YPEL2: variants seen among roughly 807,000 people sequenced by gnomAD.
YPEL2 encodes the protein yippee like 2.
YPEL2 carries 2 observed loss-of-function variants against 19.1 expected under a neutral mutation model. The observed-to-expected ratio is 0.10, with a 90% confidence interval of 0.04 to 0.33. The LOEUF (loss-of-function observed/expected upper bound fraction) is 0.33. YPEL2 is among the 10% of genes least tolerant of loss of function. The pLI is 1.00. For missense variants in YPEL2, 66 were observed against 140.7 expected (o/e 0.47, Z 2.68); for synonymous variants, 52 against 50.0 (o/e 1.04, Z -0.17).
intron 1 of YPEL2, among the ~76,000 whole-genome samples, chr17:59,333,312 G>A (rs970568321): frequency 6.6e-6 from 1 of 152,254 alleles, no homozygotes; most frequent in African/African-American, 2.4e-5. Context: ...CAGGAGTGCA[G>A]TGGGAGCCTC....
At chr17:59,352,523 G>A (rs953588275) in intron 1 of YPEL2, among the ~76,000 whole-genome samples, 4 of 152,142 alleles carry the variant, frequency 2.6e-5, no homozygotes, top group African/African-American at 9.7e-5. Context: ...TTAGATGCAG[G>A]ATTCTGATTA....
At chr17:59,334,332 T>A (rs868064682) in intron 1 of YPEL2, among the ~76,000 whole-genome samples, 9 of 148,528 alleles carry the variant, frequency 6.1e-5, no homozygotes, top group Middle Eastern at 6.9e-3. Flanking sequence ...TTGTTTAGTA[T>A]CCGTGTATTC....
chr17:59,396,315 A>G (rs1316535801), intron 4 of YPEL2, among the ~76,000 whole-genome samples: 1 of 152,270 alleles, frequency 6.6e-6, no homozygotes, highest in Non-Finnish European at 1.5e-5. Flanking sequence ...TGAGCTAAAC[A>G]TGAAAGTCTC....
intron 4 of YPEL2, among the ~76,000 whole-genome samples, chr17:59,395,234 G>C (rs978971927): frequency 7.9e-5 from 7 of 88,100 alleles, no homozygotes; most frequent in African/African-American, 5.8e-4. Flanking sequence ...TGTGTGCACA[G>C]AGACGGAATA....
intron 2 of YPEL2, among the ~76,000 whole-genome samples, chr17:59,381,359 T>C (rs1241908784): frequency 2.0e-5 from 3 of 152,180 alleles, no homozygotes; most frequent in Non-Finnish European, 4.4e-5. Flanking sequence ...TAGCTGATGG[T>C]TGATCTTCCT....
intron 4 of YPEL2, among the ~76,000 whole-genome samples, chr17:59,390,728 A>G (rs1325737387): frequency 6.6e-6 from 1 of 152,164 alleles, no homozygotes; most frequent in African/African-American, 2.4e-5. Context: ...GCTGGGGACT[A>G]ATTGTCCTAA....
intron 1 of YPEL2, among the ~76,000 whole-genome samples, chr17:59,352,365 T>C (rs1463267668): frequency 6.6e-6 from 1 of 152,072 alleles, no homozygotes; most frequent in African/African-American, 2.4e-5. Flanking sequence ...CTTAGTTACC[T>C]TGGGAGCCAC....
At chr17:59,393,562 G>C (rs2048019671) in intron 4 of YPEL2, among the ~76,000 whole-genome samples, 1 of 146,114 alleles carries the variant, frequency 6.8e-6, no homozygotes, top group Non-Finnish European at 1.5e-5. Context: ...TTCTCGCAGA[G>C]GGGGATTTGG....
At chr17:59,350,859 A>C (rs1023904203) in intron 1 of YPEL2, among the ~76,000 whole-genome samples, 1 of 152,114 alleles carries the variant, frequency 6.6e-6, no homozygotes, top group African/African-American at 2.4e-5. Context: ...AGCCAGGGTC[A>C]TTGTTTCTTT....
At chr17:59,377,108 G>A (rs976628652) in intron 2 of YPEL2, among the ~76,000 whole-genome samples, 11 of 152,030 alleles carry the variant, frequency 7.2e-5, no homozygotes, top group Admixed American at 1.3e-4. Flanking sequence ...TTTGGGAGTC[G>A]GTAGGTTTTG....
intron 1 of YPEL2, among the ~76,000 whole-genome samples, chr17:59,337,412 A>G (rs935523309): frequency 1.3e-4 from 19 of 151,756 alleles, no homozygotes; most frequent in Non-Finnish European, 2.4e-4. Flanking sequence ...GATGGTCTCG[A>G]TCTCCTGACC....
intron 1 of YPEL2, among the ~76,000 whole-genome samples, chr17:59,344,019 A>G (rs188069126): frequency 6.6e-6 from 1 of 152,058 alleles, no homozygotes; most frequent in East Asian, 1.9e-4. Context: ...TAGAAGGGAG[A>G]GCATAAAGGG....
At chr17:59,387,513 A>G (rs2047986784) in intron 2 of YPEL2, among the ~76,000 whole-genome samples, 2 of 152,068 alleles carry the variant, frequency 1.3e-5, no homozygotes, top group African/African-American at 2.4e-5. Context: ...AGTGCAGAAC[A>G]TGGCTGGCTC....
At chr17:59,389,604 ACT>A in intron 4 of YPEL2, 136 bp downstream of exon 4, 1 of 658,874 alleles carries the variant, frequency 1.5e-6, no homozygotes, top group Non-Finnish European at 2.7e-6. Flanking sequence ...TGTCTACCAC[ACT>A]CATTCTTTCC....
chr17:59,377,798 G>A (rs1011612108), intron 2 of YPEL2, among the ~76,000 whole-genome samples: 1 of 152,146 alleles, frequency 6.6e-6, no homozygotes, highest in Non-Finnish European at 1.5e-5. Flanking sequence ...GAAGAATCTG[G>A]GGTGCTCAGG....
At chr17:59,369,944 A>C (rs1016961742) in intron 2 of YPEL2, among the ~76,000 whole-genome samples, 2 of 152,250 alleles carry the variant, frequency 1.3e-5, no homozygotes, top group African/African-American at 4.8e-5. Context: ...GCCTCAGACT[A>C]ATCCAAAGAG....
At chr17:59,381,864 G>A (rs2047951005) in intron 2 of YPEL2, among the ~76,000 whole-genome samples, 1 of 152,286 alleles carries the variant, frequency 6.6e-6, no homozygotes, top group Admixed American at 6.5e-5. Flanking sequence ...AGTCTGTTTG[G>A]CATCTCCTGG....
intron 1 of YPEL2, among the ~76,000 whole-genome samples, chr17:59,333,783 A>G (rs545225406): frequency 6.6e-6 from 1 of 152,292 alleles, no homozygotes; most frequent in Admixed American, 6.5e-5. Context: ...ATAGTTTGTC[A>G]GGCTACTCCG....
intron 2 of YPEL2, among the ~76,000 whole-genome samples, chr17:59,380,710 C>T (rs2047944958): frequency 6.6e-6 from 1 of 152,198 alleles, no homozygotes; most frequent in South Asian, 2.1e-4. Flanking sequence ...ACAACAAGGA[C>T]TCATACCCTG....
Sources: gnomAD v4.1 joint callset for allele counts (sites outside exome capture counted in the v4.1 genomes callset) on GRCh38, gnomAD v4.1.1 for gene constraint, MANE v1.5 for transcripts, NCBI Gene and HGNC (gene_info 2026-07-23, HGNC 2026-07-21) for gene names.